The following FARS2 variants were observed in gnomAD, a reference collection of about 807,000 sequenced individuals.
FARS2 encodes phenylalanyl-tRNA synthetase 2, mitochondrial, also known as phenylalanine--tRNA ligase, mitochondrial.
In FARS2, 40 loss-of-function variants were observed where a neutral mutation model predicts 46.4. That is an observed-to-expected ratio of 0.86 (90% CI 0.67 to 1.12). FARS2 has a LOEUF of 1.12. Among genes scored for constraint, FARS2 ranks in the 50% most tolerant of loss-of-function variants. The pLI is 0.00. For missense variants in FARS2, 513 were observed against 567.9 expected (o/e 0.90, Z 0.98); for synonymous variants, 234 against 214.9 (o/e 1.09, Z -0.78).
At chr6:5,656,914 G>A (rs923357105) in intron 6 of FARS2, among the ~76,000 whole-genome samples, 1 of 152,184 alleles carries the variant, frequency 6.6e-6, no homozygotes, top group African/African-American at 2.4e-5. Context: ...AATGAAAATT[G>A]TGTGGGTGGC....
At chr6:5,307,126 A>AT (rs1249535807) in intron 1 of FARS2, among the ~76,000 whole-genome samples, 11 of 152,070 alleles carry the variant, frequency 7.2e-5, no homozygotes, top group Middle Eastern at 3.2e-3. Context: ...GTTATTATAT[A>AT]TTTTTCCTAC....
intron 1 of FARS2, among the ~76,000 whole-genome samples, chr6:5,279,619 T>C (rs1766589386): frequency 6.6e-6 from 1 of 150,826 alleles, no homozygotes; most frequent in Non-Finnish European, 1.5e-5. Context: ...GAAGACGAGA[T>C]CTGTAGTTGG....
At chr6:5,759,523 G>A (rs1762379830) in intron 6 of FARS2, among the ~76,000 whole-genome samples, 2 of 152,114 alleles carry the variant, frequency 1.3e-5, no homozygotes, top group South Asian at 4.1e-4. Context: ...GCATTCATTT[G>A]CTGAATGAAT....
chr6:5,318,712 T>TC (rs1253684751), intron 1 of FARS2, among the ~76,000 whole-genome samples: 2 of 152,144 alleles, frequency 1.3e-5, no homozygotes, highest in African/African-American at 2.4e-5. Flanking sequence ...TCTAGAGCTT[T>TC]CCCCTTGGCT....
chr6:5,583,570 T>C (rs1773451351), intron 5 of FARS2, among the ~76,000 whole-genome samples: 1 of 152,208 alleles, frequency 6.6e-6, no homozygotes, highest in Non-Finnish European at 1.5e-5. Flanking sequence ...TATTTACAAT[T>C]AGAGTCGTTT....
intron 6 of FARS2, among the ~76,000 whole-genome samples, chr6:5,689,155 C>G (rs944737340): frequency 2.0e-5 from 3 of 152,144 alleles, no homozygotes; most frequent in Non-Finnish European, 2.9e-5. Context: ...AAAACCAGCT[C>G]CTGGGTTCAT....
intron 4 of FARS2, among the ~76,000 whole-genome samples, chr6:5,509,339 G>C (rs890702332): frequency 1.3e-5 from 2 of 152,230 alleles, no homozygotes; most frequent in Non-Finnish European, 2.9e-5. Context: ...AAGAGAAAGG[G>C]AACAAGTTAC....
intron 4 of FARS2, among the ~76,000 whole-genome samples, chr6:5,501,787 G>A (rs565666430): frequency 3.3e-5 from 5 of 152,258 alleles, no homozygotes; most frequent in South Asian, 2.1e-4. Context: ...GAGCCACCAC[G>A]CCCAGCTGGT....
chr6:5,678,330 G>T (rs1477982261), intron 6 of FARS2, among the ~76,000 whole-genome samples: 1 of 152,132 alleles, frequency 6.6e-6, no homozygotes, highest in African/African-American at 2.4e-5. Flanking sequence ...ACGCTTGAAG[G>T]TTGCCATCCT....
At chr6:5,579,220 C>A (rs1015557918) in intron 5 of FARS2, among the ~76,000 whole-genome samples, 5 of 152,120 alleles carry the variant, frequency 3.3e-5, no homozygotes, top group Admixed American at 6.6e-5. Context: ...ACATTTTTCA[C>A]TGCTGTTACA....
At chr6:5,417,528 C>G (rs1197731722) in intron 3 of FARS2, among the ~76,000 whole-genome samples, 2 of 152,142 alleles carry the variant, frequency 1.3e-5, no homozygotes, top group Non-Finnish European at 2.9e-5. Flanking sequence ...TGCCCTGGCC[C>G]TTTTAGTTTT....
intron 5 of FARS2, among the ~76,000 whole-genome samples, chr6:5,586,491 T>A (rs1432680273): frequency 1.3e-5 from 2 of 152,178 alleles, no homozygotes; most frequent in Non-Finnish European, 2.9e-5. Flanking sequence ...GTGAATCACA[T>A]TTATTGATTT....
intron 1 of FARS2, among the ~76,000 whole-genome samples, chr6:5,323,510 T>G (rs531152356): frequency 5.5e-4 from 84 of 152,334 alleles, no homozygotes; most frequent in Admixed American, 1.7e-3. Context: ...GATTATACAA[T>G]TAGAGACTTA....
intron 6 of FARS2, among the ~76,000 whole-genome samples, chr6:5,627,309 CT>C (rs1257058233): frequency 1.3e-5 from 2 of 152,192 alleles, no homozygotes; most frequent in African/African-American, 4.8e-5. Flanking sequence ...ACAGATGTGG[CT>C]GCTTTTCTTT....
At chr6:5,746,963 CA>C (rs1267840242) in intron 6 of FARS2, among the ~76,000 whole-genome samples, 1 of 152,094 alleles carries the variant, frequency 6.6e-6, no homozygotes, top group African/African-American at 2.4e-5. Context: ...ATGGGACAGT[CA>C]AGGAAGGCTT....
rs537994621 is a variant in FARS2 at position 5,610,077 on chromosome 6, A to G, written c.1066-3092A>G. The G allele has an allele frequency of 3.2e-4, 299 of 924,986 alleles. 1 individual carries two copies. Among genetic ancestry groups the G allele is most frequent in the Non-Finnish European group, 4.8e-4 (274 of 565,858 alleles). The allele number at this position is 924,986 out of a possible 1,614,324, so 57.3% of individuals were successfully genotyped here. On this transcript the variant is annotated intron_variant, in intron 5 of 6. Coordinates refer to ENST00000274680, the MANE Select transcript of FARS2 (RefSeq NM_006567.5). ...TGGGTCTCTCATTACCACACAGTCC[A>G]GGAGCATTCCCCATTGCTCAGAATG... is the stretch of plus-strand genomic sequence containing the variant.
At chr6:5,671,635 T>C (rs1775016402) in intron 6 of FARS2, among the ~76,000 whole-genome samples, 2 of 152,152 alleles carry the variant, frequency 1.3e-5, no homozygotes, top group Non-Finnish European at 2.9e-5. Context: ...GACTTAGCTC[T>C]GGAAAAAATA....
intron 6 of FARS2, among the ~76,000 whole-genome samples, chr6:5,733,015 C>G (rs1469920962): frequency 6.6e-6 from 1 of 152,164 alleles, no homozygotes; most frequent in Admixed American, 6.5e-5. Context: ...CACACCACCA[C>G]CAATGGCCAG....
intron 6 of FARS2, among the ~76,000 whole-genome samples, chr6:5,642,644 C>T (rs1003260820): frequency 3.3e-5 from 5 of 152,100 alleles, no homozygotes; most frequent in Non-Finnish European, 7.4e-5. Flanking sequence ...AATTGAACTT[C>T]CTCCTGTGCT....
Sources: gnomAD v4.1 joint callset for allele counts (sites outside exome capture counted in the v4.1 genomes callset) on GRCh38, gnomAD v4.1.1 for gene constraint, MANE v1.5 for transcripts, NCBI Gene and HGNC (gene_info 2026-07-23, HGNC 2026-07-21) for gene names.